Variants in SLC30A3 observed in about 807,000 individuals in gnomAD.
SLC30A3 encodes the protein probable proton-coupled zinc antiporter SLC30A3.
SLC30A3 carries 20 observed loss-of-function variants against 35.6 expected under a neutral mutation model. That is an observed-to-expected ratio of 0.56 (90% confidence interval 0.39 to 0.82). The LOEUF is 0.82. Among genes scored for constraint, SLC30A3 ranks in the 40% least tolerant of loss-of-function variants. SLC30A3 has a pLI of 0.00. For missense variants in SLC30A3, 401 were observed against 530.6 expected (o/e 0.76, Z 2.40); for synonymous variants, 217 against 224.7 (o/e 0.97, Z 0.31).
chr2:27,257,099 G>A lies in SLC30A3; in HGVS notation c.777+55C>T. 6.5e-7 allele frequency: 1 copy of A among 1,547,304 alleles called. No individual in the cohort carries two copies. On this transcript the variant is annotated intron_variant, in intron 5 of 7. Transcript: ENST00000233535. This position sits in a 1 kb window ranked among gnomAD's most constrained non-coding sequence, Gnocchi z 4.7. ...GAAGCTTTGGGACCTGGGAAGGAGT[G>A]GGCTGGGATGTGGTTGTGGGGAGGA...
intron 1 of SLC30A3, among the ~76,000 whole-genome samples, chr2:27,269,248 G>A (rs986732592): frequency 7.1e-6 from 1 of 140,638 alleles, no homozygotes; most frequent in South Asian, 2.2e-4. Flanking sequence ...GCTCTGTTGC[G>A]AGGCTGGAGT....
At chr2:27,259,945 A>C (rs1677093793) in intron 1 of SLC30A3, among the ~76,000 whole-genome samples, 1 of 152,236 alleles carries the variant, frequency 6.6e-6, no homozygotes, top group Non-Finnish European at 1.5e-5. Flanking sequence ...CGAGGAAATC[A>C]GGGAAACAGC....
Position 27,257,925 on chromosome 2 carries a change from G to A in SLC30A3, c.558C>T (p.Ile186=), listed in dbSNP as rs1021436548. The change falls in exon 4 of 8, where the codon ATC becomes ATT. Residue 186 remains isoleucine, a synonymous_variant. Coordinates refer to ENST00000233535, the MANE Select transcript of SLC30A3 (RefSeq NM_003459.5). This position sits in a 1 kb window ranked among gnomAD's most constrained non-coding sequence, Gnocchi z 4.7. ...EGGAMLLTAS[I]AVCANLLMAF... is the part of the protein sequence containing the mutation. ...CGTACAACAGGTTGGCACAGACTGC[G>A]ATGCTGGCGGTCAGCAGCATGGCAC... is the stretch of plus-strand genomic sequence containing the variant. 30 of 1,613,966 alleles carry A rather than the reference G, an allele frequency of 1.9e-5. No homozygotes were observed. Among genetic ancestry groups the A allele is most frequent in the Non-Finnish European group, 2.5e-5 (30 of 1,180,000 alleles).
In SLC30A3 at chr2:27,255,605, C is replaced by T. The variant is rs1676804045; in HGVS notation, c.1019-145G>A. 2.9e-5 allele frequency: 24 copies of T among 839,228 alleles called. No homozygotes were observed. The South Asian group carries it at 3.4e-4, about 12-fold the overall frequency. The allele number at this position is 839,228 out of a possible 1,614,324, so 52.0% of individuals were successfully genotyped here. A position where few individuals can be genotyped will look rare whatever the true frequency, so the allele number is the denominator to read the frequency against. On this transcript the variant is annotated intron_variant, in intron 7 of 7. Transcript: ENST00000233535. The surrounding 1 kb of genome is among the most constrained non-coding windows in gnomAD (Gnocchi z 5.2). ...TTTTCTTTCTGTATTGTATGAACAG[C>T]ATAAAAGTGTCAAATCAAATGTTGG...
rs1676940204 is a variant in SLC30A3, at chr2:27,257,586, T to A, written c.579-234A>T. 8.3e-6 allele frequency: 5 copies of A among 603,768 alleles called. No homozygotes were observed. The highest frequency in any genetic ancestry group is 1.2e-5 in the Non-Finnish European group (4 of 339,780). 37.4% of individuals were successfully genotyped at this position (603,768 alleles called of 1,614,324 possible). A position where few individuals can be genotyped will look rare whatever the true frequency, so the allele number is the denominator to read the frequency against. On this transcript the variant is annotated intron_variant, in intron 4 of 7. Coordinates refer to ENST00000233535, the MANE Select transcript of SLC30A3 (RefSeq NM_003459.5). This position sits in a 1 kb window ranked among gnomAD's most constrained non-coding sequence, Gnocchi z 4.7. ...AGATATGTGACTTGGGCAAGTCACC[T>A]GTTGGGATTGACTGCATTAATGGTA... is the stretch of plus-strand genomic sequence containing the variant.
chr2:27,259,008 A>C (rs1677033650), intron 1 of SLC30A3, 74 bp from the exon 2 acceptor site: 1 of 1,234,284 alleles, frequency 8.1e-7, no homozygotes, highest in African/African-American at 1.5e-5. Flanking sequence ...CTTAGTCCCC[A>C]GTGCTGGCCT....
chr2:27,262,975 C>T lies in SLC30A3; in HGVS notation c.-69G>A, dbSNP rs1293201823. 1.4e-6 allele frequency: 2 copies of T among 1,436,506 alleles called. No individual in the cohort carries two copies. The highest frequency in any genetic ancestry group is 6.0e-5 in the East Asian group (2 of 33,232). 89.0% of individuals were successfully genotyped at this position (1,436,506 alleles called of 1,614,324 possible). A position where few individuals can be genotyped will look rare whatever the true frequency, so the allele number is the denominator to read the frequency against. On this transcript the variant is annotated 5_prime_UTR_variant, in exon 1 of 8. Coordinates refer to ENST00000233535, the MANE Select transcript of SLC30A3 (RefSeq NM_003459.5). The surrounding 1 kb of genome is among the most constrained non-coding windows in gnomAD (Gnocchi z 7.5). ...AGGCCGGGCCGGCCCCGCGCCAAGT[C>T]CGAGCAGCCCGCCGACCCCCGGGAT...
In SLC30A3 at chr2:27,256,784, T is replaced by C. The variant is rs1403006082; in HGVS notation, c.883+4A>G. On this transcript the variant is annotated splice_donor_region_variant and intron_variant, in intron 6 of 7. Transcript: ENST00000233535. ...GGGATGGGGAGCTGTGGTGCCCGAC[T>C]CACCTTCCATGAGGATTCGAAGAAC... is the stretch of plus-strand genomic sequence containing the variant. The C allele has an allele frequency of 3.1e-6, 5 of 1,589,146 alleles. No homozygotes were observed. Among genetic ancestry groups the C allele is most frequent in the Non-Finnish European group, 4.3e-6 (5 of 1,165,664 alleles).
upstream of SLC30A3, among the ~76,000 whole-genome samples, chr2:27,266,895 C>CATAA (rs1677521337): frequency 3.3e-5 from 5 of 152,250 alleles, no homozygotes; most frequent in South Asian, 8.3e-4. Context: ...GATTCCATCT[C>CATAA]ATAAATAAAT....
rs371039560 is a variant in SLC30A3, at chr2:27,254,759, AACACACAC to A, written c.*545_*552del. 9.7e-3 allele frequency: 1,709 copies of A among 176,180 alleles called. 24 individuals are homozygous for A. The highest frequency in any genetic ancestry group is 0.029 in the African/African-American group (1,170 of 40,110). The allele number at this position is 176,180 out of a possible 1,614,324, so 10.9% of individuals were successfully genotyped here. The stretch of plus-strand genomic sequence containing the variant: ...GAGACACACAGGCCACAGCACCAAG[AACACACAC>A]ACACACACACACACACACACACACA... On this transcript the variant is annotated 3_prime_UTR_variant, in exon 8 of 8. Coordinates refer to ENST00000233535, the MANE Select transcript of SLC30A3 (RefSeq NM_003459.5).
chr2:27,258,953 T>A lies in SLC30A3; in HGVS notation c.96-19A>T. On this transcript the variant is annotated intron_variant, in intron 1 of 7. Coordinates refer to ENST00000233535, the MANE Select transcript of SLC30A3 (RefSeq NM_003459.5). The surrounding 1 kb of genome is among the most constrained non-coding windows in gnomAD (Gnocchi z 4.0). ...GAAGAGACTGAGGCAAGCAACATGG[T>A]TCAACCTGGGCCTGGCCCACAGGCT... 1 of 1,564,262 alleles carries A rather than the reference T, an allele frequency of 6.4e-7. No individual in the cohort carries two copies. The highest frequency in any genetic ancestry group is 8.7e-7 in the Non-Finnish European group (1 of 1,155,506).
intron 1 of SLC30A3, among the ~76,000 whole-genome samples, chr2:27,268,391 G>C (rs1372091981): frequency 6.6e-6 from 1 of 152,228 alleles, no homozygotes; most frequent in African/African-American, 2.4e-5. Context: ...GAAATGGTGT[G>C]ACAGCAATGG....
At chr2:27,269,783 G>A (rs564000972) in intron 1 of SLC30A3, among the ~76,000 whole-genome samples, 5 of 152,076 alleles carry the variant, frequency 3.3e-5, no homozygotes, top group South Asian at 2.1e-4. Context: ...GCTTGAACCC[G>A]GGAGGCAGAG....
chr2:27,255,156 G>A lies in SLC30A3; in HGVS notation c.*156C>T. On this transcript the variant is annotated 3_prime_UTR_variant, in exon 8 of 8. Coordinates refer to ENST00000233535, the MANE Select transcript of SLC30A3 (RefSeq NM_003459.5). This position sits in a 1 kb window ranked among gnomAD's most constrained non-coding sequence, Gnocchi z 5.2. ...CTTTGGTCTTGCCCACTGGGGCTGG[G>A]GCTGGGGCTGAGGCTGGGGAAACTG... 1 of 1,578,160 alleles carries A rather than the reference G, an allele frequency of 6.3e-7. No individual in the cohort carries two copies. Among genetic ancestry groups the A allele is most frequent in the Non-Finnish European group, 8.6e-7 (1 of 1,169,312 alleles).
chr2:27,258,410 T>C lies in SLC30A3; in HGVS notation c.278-103A>G. ...GGGGATATACACCAAAAATGTGATTTGGGGTTTTCTCAGGTGATGGGACTA... is the reference window on the plus strand; with the variant it reads ...GGGGATATACACCAAAAATGTGATTCGGGGTTTTCTCAGGTGATGGGACTA... On this transcript the variant is annotated intron_variant, in intron 2 of 7. Coordinates refer to ENST00000233535, the MANE Select transcript of SLC30A3 (RefSeq NM_003459.5). This position sits in a 1 kb window ranked among gnomAD's most constrained non-coding sequence, Gnocchi z 4.0. 8.1e-7 allele frequency: 1 copy of C among 1,232,112 alleles called. No individual in the cohort carries two copies. The highest frequency in any genetic ancestry group is 2.6e-5 in the East Asian group (1 of 38,374). 76.3% of individuals were successfully genotyped at this position (1,232,112 alleles called of 1,614,324 possible).
At chr2:27,259,758 C>A (rs1385135538) in intron 1 of SLC30A3, among the ~76,000 whole-genome samples, 1 of 152,166 alleles carries the variant, frequency 6.6e-6, no homozygotes, top group African/African-American at 2.4e-5. Context: ...TAGACCCCAA[C>A]CAATTTCTTA....
chr2:27,256,774 G>C lies in SLC30A3; in HGVS notation c.883+14C>G. On this transcript the variant is annotated intron_variant, in intron 6 of 7. Coordinates refer to ENST00000233535, the MANE Select transcript of SLC30A3 (RefSeq NM_003459.5). ...GAGGGCCACAGGGATGGGGAGCTGT[G>C]GTGCCCGACTCACCTTCCATGAGGA... is the stretch of plus-strand genomic sequence containing the variant. 1 of 1,569,792 alleles carries C rather than the reference G, an allele frequency of 6.4e-7. No homozygotes were observed. The highest frequency in any genetic ancestry group is 8.7e-7 in the Non-Finnish European group (1 of 1,148,876).
chr2:27,263,199 A>T, upstream of SLC30A3: 1 of 974,958 alleles, frequency 1.0e-6, no homozygotes, highest in Non-Finnish European at 1.4e-6. Context: ...CCCGCGCCAG[A>T]GCCCGGGAGC....
At chr2:27,274,614 C>A (rs1677910943) in intron 1 of SLC30A3, among the ~76,000 whole-genome samples, 1 of 150,540 alleles carries the variant, frequency 6.6e-6, no homozygotes, top group Non-Finnish European at 1.5e-5. Context: ...GGTGGGGATA[C>A]AAATCCTCCT....
Sources: allele counts gnomAD v4.1 joint callset (sites outside exome capture counted in the v4.1 genomes callset), GRCh38; gene constraint gnomAD v4.1.1; non-coding constraint Gnocchi (gnomAD v3.1); transcripts MANE v1.5; gene names NCBI Gene and HGNC (gene_info 2026-07-23, HGNC 2026-07-21).